The following PLEKHG4B variants were observed in gnomAD, a reference collection of about 807,000 sequenced individuals.
PLEKHG4B encodes pleckstrin homology and RhoGEF domain containing G4B, also known as pleckstrin homology domain-containing family G member 4B.
PLEKHG4B carries 111 observed loss-of-function variants against 121.3 expected under a neutral mutation model. The observed-to-expected ratio is 0.92, with a 90% CI of 0.78 to 1.07. The LOEUF (loss-of-function observed/expected upper bound fraction) is 1.07, where lower values mean the gene tolerates loss of function less well. Among genes scored for constraint, PLEKHG4B ranks in the 50% least tolerant of loss-of-function variants. PLEKHG4B has a pLI of 0.00. For missense variants in PLEKHG4B, 1,831 were observed against 1,757.8 expected, an observed-to-expected ratio of 1.04 and a Z score of -0.74; for synonymous variants, 738 against 725.0, an observed-to-expected ratio of 1.02 and a Z score of -0.29.
Position 175,554 on chromosome 5 carries a change from G to C in PLEKHG4B, c.4402+1456G>C, listed in dbSNP as rs184126525. Reference sequence around the variant, plus strand: ...TCTGGCCTCTCAGACCTAAAACCCAGGCACCCAAGCTACAGACACGACCAG... The same window carrying C: ...TCTGGCCTCTCAGACCTAAAACCCACGCACCCAAGCTACAGACACGACCAG... On this transcript the variant is annotated intron_variant, in intron 18 of 19. Transcript: ENST00000637938. Among the ~76,000 whole-genome samples the C allele has an allele frequency of 2.2e-3, 337 of 152,112 alleles. 1 individual carries two copies. The highest frequency in any genetic ancestry group is 4.1e-3 in the Non-Finnish European group (278 of 67,986).
In PLEKHG4B at chr5:181,619, C is replaced by T. The variant is rs199873242; in HGVS notation, c.4508C>T (p.Ala1503Val). ...GACTGTGCAGTGATAAGCGACCGGGCTCCCAAATGTGCAGTGATGAGCGAC... is the reference window on the plus strand; with the variant it reads ...GACTGTGCAGTGATAAGCGACCGGGTTCCCAAATGTGCAGTGATGAGCGAC... ...TPDCAVISDR[A>V]PKCAVMSDRV... is the part of the protein sequence containing the mutation. Residue 1503 changes from alanine (A) to valine (V), a missense_variant, in exon 19 of 20, where the codon GCT becomes GTT. Physicochemically the swap from Ala to Val is moderately conservative, Grantham distance 64 (BLOSUM62 0). Coordinates refer to ENST00000637938, the MANE Select transcript of PLEKHG4B (RefSeq NM_052909.5). 451 of 1,613,636 alleles carry T rather than the reference C, an allele frequency of 2.8e-4. 1 individual carries two copies. Among genetic ancestry groups the T allele is most frequent in the Non-Finnish European group, 3.5e-4 (413 of 1,179,752 alleles).
intron 13 of PLEKHG4B, among the ~76,000 whole-genome samples, chr5:164,780 A>T (rs1283474771): frequency 5.4e-5 from 7 of 129,096 alleles, no homozygotes; most frequent in African/African-American, 2.1e-4. Flanking sequence ...CGGAGCTCAC[A>T]CTAATGCTCT....
rs1174840842 is a variant in PLEKHG4B, at chr5:140,380, C to G, written c.1141C>G (p.Leu381Val). ...EALGDLACSS[L>V]TGASRDLGTG... ...CCTCGGGGACCTGGCCTGCAGCTCC[C>G]TGACTGGAGCCAGCAGGGACCTGGG... Residue 381 changes from leucine to valine, a missense_variant, in exon 3 of 20, where the codon CTG (leucine) becomes GTG (valine). Physicochemically the swap from Leu to Val is conservative, Grantham distance 32. Transcript: ENST00000637938. 1 of 1,552,278 alleles carries G rather than the reference C, an allele frequency of 6.4e-7. No homozygotes were observed. Among genetic ancestry groups the G allele is most frequent in the Non-Finnish European group, 8.7e-7 (1 of 1,148,678 alleles).
At chr5:158,242 C>G (rs578006285) in intron 11 of PLEKHG4B, among the ~76,000 whole-genome samples, 1 of 146,394 alleles carries the variant, frequency 6.8e-6, no homozygotes, top group South Asian at 2.2e-4. Flanking sequence ...CCCCTCCTCC[C>G]CCTGCCCATC....
At position 183,179 on chromosome 5, in the gene PLEKHG4B, G is replaced by C. The variant is rs778805037; in HGVS notation, c.*856G>C. The C allele has an allele frequency of 6.6e-6, 1 of 152,162 alleles. No homozygotes were observed. The allele number at this position is 152,162 out of a possible 1,614,324, so 9.4% of individuals were successfully genotyped here. On this transcript the variant is annotated 3_prime_UTR_variant, in exon 20 of 20. Transcript: ENST00000637938. Reference sequence around the variant, plus strand: ...CTAGACTGAGCCCTGCTCCTGACTCGCCTACAAAATCATAAAAGCAAGACC... The same window carrying C: ...CTAGACTGAGCCCTGCTCCTGACTCCCCTACAAAATCATAAAAGCAAGACC...
At chr5:164,132 G>T (rs570747003) in intron 13 of PLEKHG4B, among the ~76,000 whole-genome samples, 2 of 152,368 alleles carry the variant, frequency 1.3e-5, no homozygotes, top group East Asian at 3.9e-4. Flanking sequence ...GAGATGCTTT[G>T]CTCATTTGGT....
In PLEKHG4B at chr5:155,999, C is replaced by T. The variant is rs976642795; in HGVS notation, c.2209-72C>T. ...ATTTATGGAAACAGGACATTCCTGC[C>T]ACTGTCACACTTGGGAGGACCTGCC... On this transcript the variant is annotated intron_variant, in intron 9 of 19. Coordinates refer to ENST00000637938, the MANE Select transcript of PLEKHG4B (RefSeq NM_052909.5). 3.6e-6 allele frequency: 5 copies of T among 1,373,178 alleles called. No homozygotes were observed. In the Admixed American group the frequency reaches 9.3e-5, roughly 25 times the overall value. The allele number at this position is 1,373,178 out of a possible 1,614,324, so 85.1% of individuals were successfully genotyped here.
chr5:109,381 G>A (rs960293702), intron 1 of PLEKHG4B, among the ~76,000 whole-genome samples: 9 of 137,966 alleles, frequency 6.5e-5, no homozygotes, highest in Admixed American at 1.4e-4. Flanking sequence ...TGGGTGACAG[G>A]GCAAGACTCT....
rs1424305142 is a variant in PLEKHG4B, at chr5:163,051, C to A, written c.2979C>A (p.Phe993Leu). ...AMRRHQKPPSFPSTDSGGGAW... is the reference protein window; with the variant it reads ...AMRRHQKPPSLPSTDSGGGAW... Reference sequence around the variant, plus strand: ...GGAGGCACCAGAAGCCACCCTCATTCCCCAGCACGGACAGTGGGGGTGGTG... The same window carrying A: ...GGAGGCACCAGAAGCCACCCTCATTACCCAGCACGGACAGTGGGGGTGGTG... Residue 993 changes from phenylalanine (F) to leucine (L), a missense_variant, in exon 13 of 20, where the codon TTC (phenylalanine) becomes TTA (leucine). By Grantham distance (22) the Phe-to-Leu change is conservative. Transcript: ENST00000637938. The A allele has an allele frequency of 6.4e-7, 1 of 1,560,236 alleles. No homozygotes were observed. The highest frequency in any genetic ancestry group is 1.9e-5 in the Admixed American group (1 of 52,268).
chr5:92,474 G>C (rs1260290423), intron 1 of PLEKHG4B, among the ~76,000 whole-genome samples, 198 bp downstream of exon 1: 2 of 126,548 alleles, frequency 1.6e-5, no homozygotes, highest in Non-Finnish European at 3.4e-5. Context: ...GGTAGGGGCG[G>C]GTGGGGGCGC....
At chr5:154,520 T>C (rs905303284) in intron 7 of PLEKHG4B, among the ~76,000 whole-genome samples, 1 of 151,936 alleles carries the variant, frequency 6.6e-6, no homozygotes. Context: ...AAACTCTCCT[T>C]ATATTTTGTC....
intron 11 of PLEKHG4B, 113 bp from the exon 12 acceptor site, chr5:161,670 C>G: frequency 7.2e-7 from 1 of 1,393,310 alleles, no homozygotes; most frequent in Non-Finnish European, 1.0e-6. Context: ...GCAGGCAGCA[C>G]TGTGGGCCGT....
At chr5:110,291 C>A (rs1197491488) in intron 1 of PLEKHG4B, among the ~76,000 whole-genome samples, 1 of 148,612 alleles carries the variant, frequency 6.7e-6, no homozygotes, top group Non-Finnish European at 1.5e-5. Flanking sequence ...CATGCATACA[C>A]CCACACAATC....
At chr5:111,746 C>G (rs538804321) in intron 1 of PLEKHG4B, among the ~76,000 whole-genome samples, 116 of 152,232 alleles carry the variant, frequency 7.6e-4, no homozygotes, top group South Asian at 2.9e-3. Context: ...GCAGAACAGG[C>G]CATTCGAGAT....
intron 2 of PLEKHG4B, among the ~76,000 whole-genome samples, chr5:117,089 T>G (rs1372360715): frequency 6.6e-6 from 1 of 152,224 alleles, no homozygotes; most frequent in East Asian, 1.9e-4. Flanking sequence ...CAAAATTGCT[T>G]GTCTTCTGGA....
chr5:97,198 C>G (rs1484220615), intron 1 of PLEKHG4B, among the ~76,000 whole-genome samples: 1 of 152,050 alleles, frequency 6.6e-6, no homozygotes, highest in African/African-American at 2.4e-5. Context: ...GATCGTTTTC[C>G]TCATTCCAAA....
chr5:148,110 C>T (rs1050250210), intron 6 of PLEKHG4B, among the ~76,000 whole-genome samples: 7 of 152,168 alleles, frequency 4.6e-5, no homozygotes, highest in East Asian at 3.9e-4. Flanking sequence ...GAAAAATCTA[C>T]AGCAAATATC....
intron 18 of PLEKHG4B, chr5:179,776 CTA>C (rs1453389118): frequency 1.3e-5 from 2 of 152,426 alleles, no homozygotes. Flanking sequence ...TTACATGTTC[CTA>C]TGTTTCTCGT....
At chr5:160,908 T>C (rs1246744295) in intron 11 of PLEKHG4B, among the ~76,000 whole-genome samples, 1 of 152,172 alleles carries the variant, frequency 6.6e-6, no homozygotes, top group Non-Finnish European at 1.5e-5. Context: ...CAAGATGCTG[T>C]GATTTTCTTC....
Sources: gnomAD v4.1 joint callset for allele counts (sites outside exome capture counted in the v4.1 genomes callset) on GRCh38, gnomAD v4.1.1 for gene constraint, MANE v1.5 for transcripts, NCBI Gene and HGNC (gene_info 2026-07-23, HGNC 2026-07-21) for gene names.